SLC12A4: variants seen among roughly 807,000 people sequenced by gnomAD.
SLC12A4 encodes electroneutral potassium-chloride cotransporter 1.
In SLC12A4, 84 loss-of-function variants were observed where a neutral mutation model predicts 119.2. The ratio of observed to expected loss-of-function variants is 0.70; its 90% CI spans 0.59 to 0.85. The LOEUF (loss-of-function observed/expected upper bound fraction) is 0.85, where lower values mean the gene tolerates loss of function less well. Ranked by LOEUF, SLC12A4 falls within the 40% of genes least tolerant of loss-of-function variation. SLC12A4 has a pLI of 0.00. For missense variants in SLC12A4, 1,298 were observed against 1,476.3 expected (o/e 0.88, Z 1.98); for synonymous variants, 599 against 604.6 (o/e 0.99, Z 0.14).
At chr16:67,955,620 T>C (rs7195605) in intron 5 of SLC12A4, among the ~76,000 whole-genome samples, 48,692 of 151,564 alleles carry the variant, frequency 0.32, 11,132 homozygotes, top group African/African-American at 0.65. Flanking sequence ...GTGGCCCACA[T>C]CTGTAATCCC....
Position 67,950,012 on chromosome 16 carries a change from G to A in SLC12A4, c.1630-94C>T, listed in dbSNP as rs952857315. The A allele has an allele frequency of 3.2e-5, 32 of 988,860 alleles. No individual in the cohort carries two copies. Among genetic ancestry groups the A allele is most frequent in the South Asian group, 5.5e-5 (4 of 73,176 alleles). 61.3% of individuals were successfully genotyped at this position (988,860 alleles called of 1,614,324 possible). A position where few individuals can be genotyped will look rare whatever the true frequency, so the allele number is the denominator to read the frequency against. On this transcript the variant is annotated intron_variant, in intron 12 of 23. Transcript: ENST00000316341. This position sits in a 1 kb window ranked among gnomAD's most constrained non-coding sequence, Gnocchi z 4.3. ...CTGGCCTCCCTCACCCCCAGGGCCC[G>A]CCTTGGGGGCTCAGGCCGCCCCTGT... is the stretch of plus-strand genomic sequence containing the variant.
chr16:67,966,930 G>C, intron 1 of SLC12A4: 1 of 1,433,586 alleles, frequency 7.0e-7, no homozygotes, highest in Non-Finnish European at 9.2e-7. Context: ...CCAAGGCGTG[G>C]CCAAGGTGGG....
intron 16 of SLC12A4, 109 bp downstream of exon 16, chr16:67,947,222 G>A (rs2058361258): frequency 1.3e-6 from 2 of 1,490,628 alleles, no homozygotes; most frequent in Non-Finnish European, 9.1e-7. Context: ...GGCCCAGGAG[G>A]GTGCCCCGGG....
intron 1 of SLC12A4, among the ~76,000 whole-genome samples, chr16:67,964,701 C>T (rs1463576980): frequency 6.6e-6 from 1 of 152,184 alleles, no homozygotes; most frequent in Admixed American, 6.5e-5. Context: ...ACCACCAGCC[C>T]AGGCTAGTGG....
chr16:67,966,973 T>C, intron 1 of SLC12A4: 1 of 1,206,846 alleles, frequency 8.3e-7, no homozygotes, highest in East Asian at 2.9e-5. Flanking sequence ...GCCTGCCCAC[T>C]GGTCCAGGCT....
Position 67,944,182 on chromosome 16 carries a change from C to T in SLC12A4, c.*658G>A. 1 of 1,502,312 alleles carries T rather than the reference C, an allele frequency of 6.7e-7. No homozygotes were observed. Among genetic ancestry groups the T allele is most frequent in the South Asian group, 1.2e-5 (1 of 80,156 alleles). The allele number at this position is 1,502,312 out of a possible 1,614,324, so 93.1% of individuals were successfully genotyped here. A position where few individuals can be genotyped will look rare whatever the true frequency, so the allele number is the denominator to read the frequency against. On this transcript the variant is annotated 3_prime_UTR_variant, in exon 24 of 24. Coordinates refer to ENST00000316341, the MANE Select transcript of SLC12A4 (RefSeq NM_005072.5). This position sits in a 1 kb window ranked among gnomAD's most constrained non-coding sequence, Gnocchi z 6.6. ...GTGGGAGTGGGAGGGGCCCTAGGGCCAGTGGGAGGGACGGCCTGGCCAGTG... is the reference window on the plus strand; with the variant it reads ...GTGGGAGTGGGAGGGGCCCTAGGGCTAGTGGGAGGGACGGCCTGGCCAGTG...
chr16:67,963,176 A>G (rs2151338891), intron 2 of SLC12A4: 1 of 193,648 alleles, frequency 5.2e-6, no homozygotes, highest in East Asian at 1.5e-4. Context: ...AAGAGGAGAA[A>G]TCCTGAGTTG....
intron 2 of SLC12A4, 125 bp downstream of exon 2, chr16:67,963,340 A>AGAAC: frequency 3.5e-6 from 2 of 575,698 alleles, no homozygotes; most frequent in Non-Finnish European, 6.0e-6. Flanking sequence ...GGCTGCCATG[A>AGAAC]GAACCAGGAA....
At position 67,947,418 on chromosome 16, in the gene SLC12A4, C is replaced by T; in HGVS notation, c.1985G>A (p.Gly662Asp). 6.2e-7 allele frequency: 1 copy of T among 1,612,500 alleles called. No homozygotes were observed. Among genetic ancestry groups the T allele is most frequent in the Non-Finnish European group, 8.5e-7 (1 of 1,179,786 alleles). ...CAGGGACAGGCCTCGGATCCCGTCA[C>T]CCCACTCCTTCTCAGCCCTGCAGAT... is the stretch of plus-strand genomic sequence containing the variant. ...IEYQGAEKEW[G>D]DGIRGLSLSA... is the part of the protein sequence containing the mutation. The change falls in exon 16 of 24, where the codon GGT becomes GAT. Residue 662 changes from glycine (G) to aspartate (D), a missense_variant. Transcript: ENST00000316341.
intron 1 of SLC12A4, among the ~76,000 whole-genome samples, chr16:67,965,819 G>A (rs2030843395): frequency 1.3e-5 from 2 of 152,134 alleles, no homozygotes; most frequent in Non-Finnish European, 1.5e-5. Context: ...CATTCCAGTA[G>A]AGAGCATTTA....
chr16:67,948,071 A>G lies in SLC12A4; in HGVS notation c.1837T>C (p.Tyr613His). The change falls in exon 14 of 24, where the codon TAC (tyrosine) becomes CAC (histidine). Residue 613 changes from tyrosine to histidine, a missense_variant. Transcript: ENST00000316341. Reference protein sequence around the residue: ...RTPNWRPRFKYYHWALSFLGM... With the variant: ...RTPNWRPRFKHYHWALSFLGM... ...AGAGGCATGGCTCACCAGTGATAGT[A>G]CTTGAACCGGGGCCGCCAGTTGGGG... 1 of 1,613,034 alleles carries G rather than the reference A, an allele frequency of 6.2e-7. No individual in the cohort carries two copies. The highest frequency in any genetic ancestry group is 8.5e-7 in the Non-Finnish European group (1 of 1,179,916).
chr16:67,947,955 C>T (rs2151326039), intron 14 of SLC12A4, 106 bp downstream of exon 14: 2 of 1,478,980 alleles, frequency 1.4e-6, no homozygotes, highest in Non-Finnish European at 1.9e-6. Context: ...CCTATAATCT[C>T]CCTCCCCACA....
chr16:67,951,768 G>A lies in SLC12A4; in HGVS notation c.1132+55C>T. 1 of 1,462,964 alleles carries A rather than the reference G, an allele frequency of 6.8e-7. No homozygotes were observed. The highest frequency in any genetic ancestry group is 9.4e-7 in the Non-Finnish European group (1 of 1,067,324). The allele number at this position is 1,462,964 out of a possible 1,614,324, so 90.6% of individuals were successfully genotyped here. A position where few individuals can be genotyped will look rare whatever the true frequency, so the allele number is the denominator to read the frequency against. On this transcript the variant is annotated intron_variant, in intron 8 of 23. Transcript: ENST00000316341. This position sits in a 1 kb window ranked among gnomAD's most constrained non-coding sequence, Gnocchi z 5.2. ...CCACACAAGGACAGCTCTGTGCTCTGTGCCCCTGCTCAGCCTGTGGGCTCA... is the reference window on the plus strand; with the variant it reads ...CCACACAAGGACAGCTCTGTGCTCTATGCCCCTGCTCAGCCTGTGGGCTCA...
intron 3 of SLC12A4, 32 bp downstream of exon 3, chr16:67,961,543 G>A (rs1186411508): frequency 6.2e-7 from 1 of 1,607,328 alleles, no homozygotes; most frequent in African/African-American, 1.3e-5. Flanking sequence ...GTCTTCCCAG[G>A]TGTGGCCCCT....
intron 14 of SLC12A4, 23 bp downstream of exon 14, chr16:67,948,037 TC>T: frequency 1.9e-6 from 3 of 1,610,060 alleles, no homozygotes; most frequent in South Asian, 2.2e-5. Flanking sequence ...CCCCAGGGTC[TC>T]CCGTGTCAGA....
At chr16:67,957,614 G>T in intron 5 of SLC12A4, 128 bp downstream of exon 5, 1 of 1,005,808 alleles carries the variant, frequency 9.9e-7, no homozygotes, top group Non-Finnish European at 1.5e-6. Context: ...CACTGTCCTG[G>T]CATCAGGGAT....
At chr16:67,957,627 G>A in intron 5 of SLC12A4, 115 bp downstream of exon 5, 1 of 1,163,578 alleles carries the variant, frequency 8.6e-7, no homozygotes, top group Non-Finnish European at 1.3e-6. Context: ...TCAGGGATTG[G>A]GAGCCCACTA....
Position 67,946,546 on chromosome 16 carries a change from G to A in SLC12A4, c.2329C>T (p.Leu777Phe). ...ASKVREGLAH[L>F]IQSCGLGGMR... ...CCTCCCAGGCCACAGGACTGGATGA[G>A]GTGGGCCAGCCCCTCCCGCACCTTG... Residue 777 changes from leucine to phenylalanine, a missense_variant, in exon 18 of 24, where the codon CTC becomes TTC. Physicochemically the swap from Leu to Phe is conservative, Grantham distance 22. Coordinates refer to ENST00000316341, the MANE Select transcript of SLC12A4 (RefSeq NM_005072.5). 1 of 1,611,908 alleles carries A rather than the reference G, an allele frequency of 6.2e-7. No individual in the cohort carries two copies. The highest frequency in any genetic ancestry group is 8.5e-7 in the Non-Finnish European group (1 of 1,180,008).
rs552493011 is a variant in SLC12A4 at position 67,956,030 on chromosome 16, A to G, written c.545-1257T>C. On this transcript the variant is annotated intron_variant, in intron 5 of 23. Coordinates refer to ENST00000316341, the MANE Select transcript of SLC12A4 (RefSeq NM_005072.5). ...CATCTCTACTAAAAATACAAAAATT[A>G]GCTGAGCATGGTGGTGCATGTCTGT... 9.2e-5 allele frequency among the ~76,000 whole-genome samples: 14 copies of G among 151,996 alleles called. No homozygotes were observed. In the South Asian group the frequency reaches 2.5e-3, roughly 27 times the overall value.
Sources: gnomAD v4.1 joint callset for allele counts (sites outside exome capture counted in the v4.1 genomes callset) on GRCh38, gnomAD v4.1.1 for gene constraint, Gnocchi (gnomAD v3.1) non-coding constraint, MANE v1.5 for transcripts, NCBI Gene and HGNC (gene_info 2026-07-23, HGNC 2026-07-21) for gene names.